TRHDE: variants seen among roughly 807,000 people sequenced by gnomAD.
TRHDE encodes the protein thyrotropin releasing hormone degrading enzyme.
Under a neutral mutation model 125.7 loss-of-function variants are expected in TRHDE, and 72 were observed. The observed-to-expected ratio is 0.57, with a 90% CI of 0.47 to 0.70. The LOEUF (loss-of-function observed/expected upper bound fraction) is 0.70. Among genes scored for constraint, TRHDE ranks in the 30% least tolerant of loss-of-function variants. The pLI is 0.00. For synonymous variants in TRHDE, 509 were observed against 509.1 expected (o/e 1.00, Z 0.00); for missense variants, 1,110 against 1,327.1 (o/e 0.84, Z 2.54).
chr12:72,458,113 C>G (rs999830086), intron 3 of TRHDE, among the ~76,000 whole-genome samples: 3 of 152,226 alleles, frequency 2.0e-5, no homozygotes, highest in African/African-American at 7.2e-5. Context: ...ACCCTCCCTT[C>G]AGGTGATGGT....
intron 7 of TRHDE, among the ~76,000 whole-genome samples, chr12:72,557,451 G>A (rs942657152): frequency 2.0e-5 from 3 of 152,118 alleles, no homozygotes; most frequent in African/African-American, 7.2e-5. Context: ...ATTACTTGCA[G>A]CTAAACACAT....
At chr12:72,161,626 T>C (rs1876639739) in intron 2 of TRHDE, among the ~76,000 whole-genome samples, 1 of 152,168 alleles carries the variant, frequency 6.6e-6, no homozygotes, top group Admixed American at 6.5e-5. Context: ...TTTTTCTGGG[T>C]TATCTGTGGG....
rs974410365 is a variant in TRHDE, at chr12:72,200,698, G to A, written n.279+94946G>A. Among the ~76,000 whole-genome samples the A allele has an allele frequency of 2.6e-5, 4 of 152,242 alleles. No individual in the cohort carries two copies. The South Asian group carries it at 6.2e-4, about 24-fold the overall frequency. ...TTAACACCTAGTAGAACAATGAAGA[G>A]GCAGTCTTGCAAATTTGCAGTCTAG... On this transcript the variant is annotated intron_variant and non_coding_transcript_variant, in intron 2 of 4. Transcript: ENST00000548156.
chr12:72,217,141 A>G (rs1036974199), intron 2 of TRHDE, among the ~76,000 whole-genome samples: 1 of 152,132 alleles, frequency 6.6e-6, no homozygotes, highest in Non-Finnish European at 1.5e-5. Context: ...GAAATCTTAA[A>G]AAAAGAAGAG....
At chr12:72,167,854 G>T (rs909901683) in intron 2 of TRHDE, among the ~76,000 whole-genome samples, 1 of 152,164 alleles carries the variant, frequency 6.6e-6, no homozygotes, top group Non-Finnish European at 1.5e-5. Flanking sequence ...GAAATTTTAG[G>T]CTCTGCTTGT....
chr12:72,092,539 T>C (rs1181282105), intron 1 of TRHDE, among the ~76,000 whole-genome samples: 1 of 152,224 alleles, frequency 6.6e-6, no homozygotes, highest in African/African-American at 2.4e-5. Flanking sequence ...TCTTCCTGTG[T>C]GGAAGCAAAA....
In TRHDE at chr12:72,172,120, G is replaced by A. The variant is rs551989089; in HGVS notation, n.279+66368G>A. Among the ~76,000 whole-genome samples the A allele has an allele frequency of 5.3e-5, 8 of 152,244 alleles. 1 individual carries two copies. In the South Asian group the frequency reaches 1.7e-3, roughly 32 times the overall value. On this transcript the variant is annotated intron_variant and non_coding_transcript_variant, in intron 2 of 4. Transcript: ENST00000548156. ...GGCATATCAGTATCTTCCAAGAAAG[G>A]CACAAATGGAGGAAAATATATCTCT...
intron 18 of TRHDE, 57 bp downstream of exon 18, chr12:72,657,065 C>A: frequency 9.0e-7 from 1 of 1,108,130 alleles, no homozygotes; most frequent in Non-Finnish European, 1.4e-6. Flanking sequence ...TGAAATTATG[C>A]ATTTACTTCA....
In TRHDE at chr12:72,099,164, GA is replaced by G. The variant is rs5799063; in HGVS notation, n.175-6473del. Among the ~76,000 whole-genome samples the G allele has an allele frequency of 3.6e-4, 52 of 145,436 alleles. No individual in the cohort carries two copies. In the East Asian group the frequency reaches 5.4e-3, roughly 15 times the overall value. Reference sequence around the variant, plus strand: ...GGGCAACAGAGTGAGACTCTGTCAAGAAAAAAAAAAAGACATTGTTGCTTTA... The same window carrying G: ...GGGCAACAGAGTGAGACTCTGTCAAGAAAAAAAAAAGACATTGTTGCTTTA... On this transcript the variant is annotated intron_variant and non_coding_transcript_variant, in intron 1 of 4. Transcript: ENST00000548156.
chr12:72,128,242 A>G (rs1179123391), intron 2 of TRHDE, among the ~76,000 whole-genome samples: 2 of 152,170 alleles, frequency 1.3e-5, no homozygotes, highest in East Asian at 3.8e-4. Flanking sequence ...CCTGCCTAAC[A>G]CATCTTAAAA....
intron 2 of TRHDE, among the ~76,000 whole-genome samples, chr12:72,347,544 C>T (rs1203639700): frequency 6.6e-6 from 1 of 151,972 alleles, no homozygotes; most frequent in East Asian, 1.9e-4. Flanking sequence ...AAGGTATTGG[C>T]AGGGGCTGCA....
intron 15 of TRHDE, among the ~76,000 whole-genome samples, chr12:72,651,875 G>T (rs144187186): frequency 4.6e-5 from 7 of 151,992 alleles, no homozygotes; most frequent in African/African-American, 1.7e-4. Flanking sequence ...GATAGAGAAA[G>T]TTATCTAAGA....
intron 13 of TRHDE, among the ~76,000 whole-genome samples, chr12:72,620,102 C>A (rs1302440935): frequency 1.3e-5 from 2 of 151,946 alleles, no homozygotes; most frequent in African/African-American, 2.4e-5. Context: ...AAAGATTACA[C>A]ATTAATTTCT....
chr12:72,648,764 T>G (rs757740025), intron 15 of TRHDE, among the ~76,000 whole-genome samples: 6 of 151,552 alleles, frequency 4.0e-5, no homozygotes, highest in South Asian at 2.1e-4. Context: ...CTGGGAAACA[T>G]AGAGAGACCC....
rs1878952533 is a variant in TRHDE, at chr12:72,261,628, T to TG, written n.280-116366dup. ...CTGCTAGTGGACCTTCTTTTGCTGC[T>TG]GACATGCTTTCAGTTCCATAGAGTT... On this transcript the variant is annotated intron_variant and non_coding_transcript_variant, in intron 2 of 4. Coordinates refer to the TRHDE transcript ENST00000548156. Among the ~76,000 whole-genome samples, 4 of 152,200 alleles carry TG rather than the reference T, an allele frequency of 2.6e-5. No homozygotes were observed. In the South Asian group the frequency reaches 8.3e-4, roughly 31 times the overall value.
At position 72,576,626 on chromosome 12, in the gene TRHDE, G is replaced by A. The variant is rs1871007638; in HGVS notation, c.2321+1084G>A. 1.3e-5 allele frequency among the ~76,000 whole-genome samples: 2 copies of A among 151,778 alleles called. 1 individual carries two copies. Among genetic ancestry groups the A allele is most frequent in the Admixed American group, 1.3e-4 (2 of 15,214 alleles). ...AGAGGGGACAACATAAATATATAGA[G>A]GGTAAAGGAAAAAATTTCAGGTGCT... is the stretch of plus-strand genomic sequence containing the variant. On this transcript the variant is annotated intron_variant, in intron 12 of 18. Coordinates refer to ENST00000261180, the MANE Select transcript of TRHDE (RefSeq NM_013381.3).
chr12:72,492,828 T>G (rs1015061371), intron 5 of TRHDE, among the ~76,000 whole-genome samples: 2 of 151,924 alleles, frequency 1.3e-5, no homozygotes, highest in African/African-American at 4.8e-5. Context: ...TCTTATTTGT[T>G]CTCTTTATGG....
chr12:72,313,428 C>T (rs1171507819), intron 2 of TRHDE, among the ~76,000 whole-genome samples: 3 of 151,900 alleles, frequency 2.0e-5, no homozygotes, highest in South Asian at 2.1e-4. Flanking sequence ...TTTTTAAAAG[C>T]GTTCTGTTAT....
intron 5 of TRHDE, among the ~76,000 whole-genome samples, chr12:72,494,258 A>T (rs1009484653): frequency 5.3e-5 from 8 of 151,992 alleles, no homozygotes; most frequent in African/African-American, 1.9e-4. Flanking sequence ...ATACCATAAA[A>T]GCCATTTATG....
Sources: gnomAD v4.1 joint callset for allele counts (sites outside exome capture counted in the v4.1 genomes callset) on GRCh38, gnomAD v4.1.1 for gene constraint, MANE v1.5 for transcripts, NCBI Gene and HGNC (gene_info 2026-07-23, HGNC 2026-07-21) for gene names.